CCBE1: variants seen among roughly 807,000 people sequenced by gnomAD.
CCBE1 encodes collagen and calcium-binding EGF domain-containing protein 1.
A neutral mutation model predicts 50.0 loss-of-function variants in CCBE1; 37 were observed. That is an observed-to-expected ratio of 0.74 (90% confidence interval 0.57 to 0.97). CCBE1 has a LOEUF of 0.97. CCBE1 is among the 50% of genes least tolerant of loss of function. The pLI, the probability that CCBE1 is intolerant of heterozygous loss-of-function variation, is 0.00. For missense variants in CCBE1, 538 were observed against 523.8 expected, an observed-to-expected ratio of 1.03 and a Z score of -0.26; for synonymous variants, 234 against 203.7, an observed-to-expected ratio of 1.15 and a Z score of -1.27.
intron 2 of CCBE1, among the ~76,000 whole-genome samples, chr18:59,506,323 A>C (rs1356778568): frequency 1.3e-5 from 2 of 152,196 alleles, no homozygotes; most frequent in Admixed American, 1.3e-4. Flanking sequence ...TCCAGAAGGA[A>C]CCAACCCTGA....
chr18:59,609,716 C>T (rs760691229), intron 2 of CCBE1, among the ~76,000 whole-genome samples: 1 of 152,186 alleles, frequency 6.6e-6, no homozygotes, highest in Non-Finnish European at 1.5e-5. Context: ...TTATTTTAGT[C>T]TATTTGAAAA....
chr18:59,564,291 C>T (rs928956088), intron 2 of CCBE1, among the ~76,000 whole-genome samples: 23 of 152,298 alleles, frequency 1.5e-4, no homozygotes, highest in African/African-American at 4.8e-4. Context: ...AGACAATCGT[C>T]ATTTGACATA....
chr18:59,484,916 A>G (rs1912745014), intron 2 of CCBE1, among the ~76,000 whole-genome samples: 1 of 152,254 alleles, frequency 6.6e-6, no homozygotes, highest in African/African-American at 2.4e-5. Context: ...TGTTTCAAAG[A>G]TTACTTACAA....
intron 3 of CCBE1, among the ~76,000 whole-genome samples, chr18:59,473,617 G>A (rs963713290): frequency 3.5e-5 from 5 of 143,966 alleles, no homozygotes; most frequent in African/African-American, 1.0e-4. Context: ...TCTTGCTCTC[G>A]TGCTTGGAAA....
intron 2 of CCBE1, among the ~76,000 whole-genome samples, chr18:59,654,541 T>G (rs1486404015): frequency 6.6e-6 from 1 of 152,166 alleles, no homozygotes; most frequent in African/African-American, 2.4e-5. Flanking sequence ...GGAGAATCAC[T>G]TGAACCCAGG....
At position 59,512,648 on chromosome 18, in the gene CCBE1, T is replaced by C. The variant is rs1598966675; in HGVS notation, c.213-32410A>G. ...CAGGCCCAGGGCAGGAAAGACCCCA[T>C]AGTGGGGAGTCTCCACTCTCAGGGA... On this transcript the variant is annotated intron_variant, in intron 2 of 10. Coordinates refer to ENST00000439986, the MANE Select transcript of CCBE1 (RefSeq NM_133459.4). Among the ~76,000 whole-genome samples, 5 of 152,296 alleles carry C rather than the reference T, an allele frequency of 3.3e-5. No individual in the cohort carries two copies. The South Asian group carries it at 1.0e-3, about 32-fold the overall frequency.
At chr18:59,594,814 T>C (rs910152428) in intron 2 of CCBE1, among the ~76,000 whole-genome samples, 1 of 151,996 alleles carries the variant, frequency 6.6e-6, no homozygotes, top group African/African-American at 2.4e-5. Context: ...AAGGAAGTCA[T>C]TAAGAATAGC....
intron 2 of CCBE1, among the ~76,000 whole-genome samples, chr18:59,558,057 A>G (rs1023386596): frequency 1.1e-4 from 17 of 152,286 alleles, no homozygotes; most frequent in African/African-American, 3.9e-4. Flanking sequence ...ACTGCTTTCT[A>G]TTTGGTGACT....
intron 2 of CCBE1, among the ~76,000 whole-genome samples, chr18:59,514,644 T>TTTTTTAAA (rs1333839795): frequency 8.7e-6 from 1 of 114,702 alleles, no homozygotes; most frequent in African/African-American, 3.7e-5. Context: ...TTCCTTTCCT[T>TTTTTTAAA]GAAAAAAAAA....
At position 59,632,829 on chromosome 18, in the gene CCBE1, G is replaced by A. The variant is rs111937512; in HGVS notation, c.212+63800C>T. Among the ~76,000 whole-genome samples the A allele has an allele frequency of 6.4e-3, 965 of 151,936 alleles. 19 individuals are homozygous for A. Among genetic ancestry groups the A allele is most frequent in the African/African-American group, 0.022 (910 of 41,410 alleles). ...TCACCATGTTGGCCAGGCTGGTCTCGAACTCCTGACCTCGGGTGATCCACC... is the reference window on the plus strand; with the variant it reads ...TCACCATGTTGGCCAGGCTGGTCTCAAACTCCTGACCTCGGGTGATCCACC... On this transcript the variant is annotated intron_variant, in intron 2 of 10. Coordinates refer to ENST00000439986, the MANE Select transcript of CCBE1 (RefSeq NM_133459.4).
rs943497467 is a variant in CCBE1 at position 59,433,166 on chromosome 18, A to G, written c.*2742T>C. ...AGATAAAGAGCACCCCACCCTAAAA[A>G]GAAATTTTTTCTTTTTAAAAAGTCT... On this transcript the variant is annotated 3_prime_UTR_variant, in exon 11 of 11. Coordinates refer to ENST00000439986, the MANE Select transcript of CCBE1 (RefSeq NM_133459.4). 6.6e-6 allele frequency: 1 copy of G among 152,188 alleles called. No individual in the cohort carries two copies. The highest frequency in any genetic ancestry group is 1.5e-5 in the Non-Finnish European group (1 of 68,040). The allele number at this position is 152,188 out of a possible 1,614,324, so 9.4% of individuals were successfully genotyped here. A position where few individuals can be genotyped will look rare whatever the true frequency, so the allele number is the denominator to read the frequency against.
chr18:59,479,207 T>C (rs2013023), intron 3 of CCBE1, among the ~76,000 whole-genome samples: 52,400 of 151,968 alleles, frequency 0.34, 9,694 homozygotes, highest in East Asian at 0.5. Flanking sequence ...AAGCTTAACC[T>C]CATGCCCTTC....
intron 2 of CCBE1, among the ~76,000 whole-genome samples, chr18:59,482,992 G>T (rs771819678): frequency 6.6e-6 from 1 of 152,046 alleles, no homozygotes; most frequent in Non-Finnish European, 1.5e-5. Context: ...TTTCTAGGAA[G>T]AGAAACTGAG....
chr18:59,547,504 A>AG (rs1438612070), intron 2 of CCBE1, among the ~76,000 whole-genome samples: 1 of 152,208 alleles, frequency 6.6e-6, no homozygotes, highest in Non-Finnish European at 1.5e-5. Context: ...GATTCTGATT[A>AG]GGGCATCATC....
intron 2 of CCBE1, among the ~76,000 whole-genome samples, chr18:59,618,051 A>G (rs527490312): frequency 6.6e-6 from 1 of 152,362 alleles, no homozygotes; most frequent in African/African-American, 2.4e-5. Flanking sequence ...TAAGAAAGAT[A>G]ATCAATTTTG....
intron 2 of CCBE1, among the ~76,000 whole-genome samples, chr18:59,681,647 C>T (rs1209077286): frequency 6.6e-6 from 1 of 152,196 alleles, no homozygotes; most frequent in African/African-American, 2.4e-5. Flanking sequence ...CTTTGATGGG[C>T]TCCTGCACTT....
chr18:59,559,918 C>A (rs951678066), intron 2 of CCBE1, among the ~76,000 whole-genome samples: 13 of 151,536 alleles, frequency 8.6e-5, no homozygotes, highest in African/African-American at 3.1e-4. Context: ...ACAATGCAAC[C>A]GGGACAGTCC....
chr18:59,634,184 A>G (rs969075639), intron 2 of CCBE1, among the ~76,000 whole-genome samples: 52 of 152,376 alleles, frequency 3.4e-4, no homozygotes, highest in African/African-American at 1.1e-3. Context: ...TCAAAGGGCT[A>G]TACTCTTAAT....
intron 2 of CCBE1, among the ~76,000 whole-genome samples, chr18:59,480,451 A>G (rs1445594100): frequency 6.6e-6 from 1 of 152,184 alleles, no homozygotes; most frequent in Non-Finnish European, 1.5e-5. Flanking sequence ...TTTCTGCTAC[A>G]TAATATATGA....
Sources: gnomAD v4.1 joint callset for allele counts (sites outside exome capture counted in the v4.1 genomes callset) on GRCh38, gnomAD v4.1.1 for gene constraint, MANE v1.5 for transcripts, NCBI Gene and HGNC (gene_info 2026-07-23, HGNC 2026-07-21) for gene names.